The following MTMR4 variants were observed in gnomAD, a reference collection of about 807,000 sequenced individuals.
MTMR4 encodes the protein phosphatidylinositol-3,5-bisphosphate 3-phosphatase MTMR4.
Under a neutral mutation model 125.5 loss-of-function variants are expected in MTMR4, and 30 were observed. That is an observed-to-expected ratio of 0.24 (90% CI 0.18 to 0.32). The LOEUF (loss-of-function observed/expected upper bound fraction) is 0.32. Among genes scored for constraint, MTMR4 ranks in the 10% least tolerant of loss-of-function variants. The pLI is 1.00. For missense variants in MTMR4, 1,039 were observed against 1,511.5 expected (o/e 0.69, Z 5.18); for synonymous variants, 498 against 564.5 (o/e 0.88, Z 1.67).
At chr17:58,518,608 C>T (rs534322368), upstream of MTMR4, among the ~76,000 whole-genome samples, 41 of 152,320 alleles carry the variant, frequency 2.7e-4, 1 homozygote, top group African/African-American at 9.4e-4. Flanking sequence ...CCTCTCATCC[C>T]AGAGATGGGA....
chr17:58,514,668 G>T, upstream of MTMR4: 1 of 985,268 alleles, frequency 1.0e-6, no homozygotes, highest in Non-Finnish European at 1.2e-6. Flanking sequence ...CCGGGACCGC[G>T]GCGGGAAGGC....
rs1298806926 is a variant in MTMR4, at chr17:58,514,636, G to A, written c.-229C>T. 5 of 985,182 alleles carry A rather than the reference G, an allele frequency of 5.1e-6. No individual in the cohort carries two copies. The highest frequency in any genetic ancestry group is 6.0e-6 in the Non-Finnish European group (5 of 829,914). The allele number at this position is 985,182 out of a possible 1,614,324, so 61.0% of individuals were successfully genotyped here. A position where few individuals can be genotyped will look rare whatever the true frequency, so the allele number is the denominator to read the frequency against. On this transcript the variant is annotated 5_prime_UTR_variant, in exon 1 of 18. Transcript: ENST00000682306. The stretch of plus-strand genomic sequence containing the variant: ...CCTCCCGCACGAGTGCAGAAGGGAG[G>A]GGAGCCAGGCGAGGGGAGAGCCCGG...
rs1975295803 is a variant in MTMR4 at position 58,490,801 on chromosome 17, C to G, written c.*862G>C. The G allele has an allele frequency of 6.6e-6, 1 of 152,620 alleles. No individual in the cohort carries two copies. The highest frequency in any genetic ancestry group is 2.4e-5 in the African/African-American group (1 of 41,424). The allele number at this position is 152,620 out of a possible 1,614,324, so 9.5% of individuals were successfully genotyped here. A position where few individuals can be genotyped will look rare whatever the true frequency, so the allele number is the denominator to read the frequency against. ...TGTAGCTCCTGTGTTAGCACCAGGA[C>G]AACTAGGAAAAGTCAGGTGCAAAGA... On this transcript the variant is annotated 3_prime_UTR_variant, in exon 18 of 18. Transcript: ENST00000682306.
At chr17:58,513,368 CGCCTACAA>C (rs1356284481) in intron 1 of MTMR4, among the ~76,000 whole-genome samples, 1 of 152,018 alleles carries the variant, frequency 6.6e-6, no homozygotes, top group African/African-American at 2.4e-5. Flanking sequence ...GGAAATCAGG[CGCCTACAA>C]GCCACTGAAG....
Position 58,491,584 on chromosome 17 carries a change from C to G in MTMR4, c.*79G>C. 7.0e-7 allele frequency: 1 copy of G among 1,436,304 alleles called. No homozygotes were observed. Among genetic ancestry groups the G allele is most frequent in the South Asian group, 1.3e-5 (1 of 76,826 alleles). 89.0% of individuals were successfully genotyped at this position (1,436,304 alleles called of 1,614,324 possible). On this transcript the variant is annotated 3_prime_UTR_variant, in exon 18 of 18. Coordinates refer to ENST00000682306, the MANE Select transcript of MTMR4 (RefSeq NM_001378067.1). Reference sequence around the variant, plus strand: ...GAGCTCTGTGATTTCATGAGCCACACCAAGGAACCTTCCAAACTACAACTG... The same window carrying G: ...GAGCTCTGTGATTTCATGAGCCACAGCAAGGAACCTTCCAAACTACAACTG...
Position 58,514,439 on chromosome 17 carries a change from C to G in MTMR4, c.-32G>C. On this transcript the variant is annotated 5_prime_UTR_variant, in exon 1 of 18. Coordinates refer to ENST00000682306, the MANE Select transcript of MTMR4 (RefSeq NM_001378067.1). ...GGGCGGTCTGGGCCAGCGCACATGT[C>G]CCCGGAGCCGCTGCGCTGCCCGCCA... 2.0e-6 allele frequency: 2 copies of G among 985,466 alleles called. No homozygotes were observed. Among genetic ancestry groups the G allele is most frequent in the Non-Finnish European group, 2.4e-6 (2 of 829,776 alleles). 61.0% of individuals were successfully genotyped at this position (985,466 alleles called of 1,614,324 possible).
chr17:58,513,086 T>C, intron 1 of MTMR4, 145 bp from the exon 2 acceptor site: 2 of 669,956 alleles, frequency 3.0e-6, no homozygotes, highest in Non-Finnish European at 5.2e-6. Flanking sequence ...AAAAGAGATC[T>C]GACTTGGTTG....
At chr17:58,507,859 C>G (rs1975817411) in intron 7 of MTMR4, 1 of 252,272 alleles carries the variant, frequency 4.0e-6, no homozygotes, top group African/African-American at 2.3e-5. Context: ...CAGATTTTGT[C>G]TGCAGGCCAG....
At chr17:58,518,246 G>T (rs2042047645), upstream of MTMR4, among the ~76,000 whole-genome samples, 1 of 152,224 alleles carries the variant, frequency 6.6e-6, no homozygotes, top group Non-Finnish European at 1.5e-5. Context: ...TACTGGTAGC[G>T]CAATTAGAGG....
rs540217313 is a variant in MTMR4 at position 58,492,531 on chromosome 17, G to A, written c.3432C>T (p.Ala1144=). Residue 1144 remains alanine (A), a synonymous_variant, in exon 17 of 18, where the codon GCC becomes GCT. Transcript: ENST00000682306. ...CTTACCTGCAATGGTGTCTTCGTTTGGCCAACCAGAATTCACAGTCACAGT... is the reference window on the plus strand; with the variant it reads ...CTTACCTGCAATGGTGTCTTCGTTTAGCCAACCAGAATTCACAGTCACAGT... ...CYNCDCEFWL[A]KRRHHCRNCG... is the part of the protein sequence containing the mutation. 6.2e-7 allele frequency: 1 copy of A among 1,613,970 alleles called. No individual in the cohort carries two copies. Among genetic ancestry groups the A allele is most frequent in the Admixed American group, 1.7e-5 (1 of 59,988 alleles).
intron 17 of MTMR4, 94 bp from the exon 18 acceptor site, chr17:58,491,934 G>A (rs757592828): frequency 8.2e-7 from 1 of 1,222,520 alleles, no homozygotes; most frequent in Non-Finnish European, 1.1e-6. Context: ...ACTTTGGTAG[G>A]CTGAGGCAGT....
chr17:58,514,515 C>T lies in MTMR4; in HGVS notation c.-108G>A, dbSNP rs899574326. 1.0e-6 allele frequency: 1 copy of T among 985,130 alleles called. No homozygotes were observed. 61.0% of individuals were successfully genotyped at this position (985,130 alleles called of 1,614,324 possible). On this transcript the variant is annotated 5_prime_UTR_variant, in exon 1 of 18. Coordinates refer to ENST00000682306, the MANE Select transcript of MTMR4 (RefSeq NM_001378067.1). ...CTGCGGGGCTCGCCAGGTGCAGCCG[C>T]GGCGGCCAAGAGGCTAGGGCGCTGG... is the stretch of plus-strand genomic sequence containing the variant.
upstream of MTMR4, among the ~76,000 whole-genome samples, chr17:58,517,537 GCA>G (rs2042034446): frequency 2.0e-5 from 3 of 152,370 alleles, no homozygotes; most frequent in Admixed American, 6.5e-5. Flanking sequence ...CCGCCCACTG[GCA>G]GCAGCCCCAG....
At chr17:58,516,638 C>G, upstream of MTMR4, 1 of 1,611,856 alleles carries the variant, frequency 6.2e-7, no homozygotes, top group South Asian at 1.1e-5. Context: ...GACAGAGGAA[C>G]ATAAAAGTAA....
intron 14 of MTMR4, among the ~76,000 whole-genome samples, chr17:58,498,725 C>T (rs1399082966): frequency 6.6e-6 from 1 of 152,044 alleles, no homozygotes; most frequent in Non-Finnish European, 1.5e-5. Flanking sequence ...TACAACACAC[C>T]TCCTTCTTTG....
In MTMR4 at chr17:58,495,712, G is replaced by C; in HGVS notation, c.2472C>G (p.Ser824Arg). Residue 824 changes from serine (S) to arginine (R), a missense_variant, in exon 15 of 18, where the codon AGC (serine) becomes AGG (arginine). Physicochemically the swap from Ser to Arg is moderately radical, Grantham distance 110 (BLOSUM62 -1). Transcript: ENST00000682306. Reference sequence around the variant, plus strand: ...TCGGTGGGTTGCAAACGGTGCTGAGGCTGTGATCAAGAACACACTTGGAGG... The same window carrying C: ...TCGGTGGGTTGCAAACGGTGCTGAGCCTGTGATCAAGAACACACTTGGAGG... ...GVPSKCVLDH[S>R]LSTVCNPPSA... is the part of the protein sequence containing the mutation. The C allele has an allele frequency of 6.2e-7, 1 of 1,614,170 alleles. No homozygotes were observed. Among genetic ancestry groups the C allele is most frequent in the Middle Eastern group, 1.6e-4 (1 of 6,062 alleles).
At chr17:58,505,380 C>G in intron 10 of MTMR4, 92 bp downstream of exon 10, 1 of 1,164,440 alleles carries the variant, frequency 8.6e-7, no homozygotes, top group Non-Finnish European at 1.2e-6. Flanking sequence ...CTCCTGCTCT[C>G]CAAACTTCTC....
chr17:58,518,872 A>G (rs949573135), upstream of MTMR4, among the ~76,000 whole-genome samples: 7 of 152,224 alleles, frequency 4.6e-5, no homozygotes, highest in African/African-American at 1.7e-4. Flanking sequence ...CGCTTTAATT[A>G]GCCCGGGGCT....
At chr17:58,494,881 G>T in intron 15 of MTMR4, 51 bp downstream of exon 15, 1 of 1,531,206 alleles carries the variant, frequency 6.5e-7, no homozygotes, top group Non-Finnish European at 8.9e-7. Flanking sequence ...TGGAGGGAAG[G>T]CTGGATGAAC....
Sources: allele counts gnomAD v4.1 joint callset (sites outside exome capture counted in the v4.1 genomes callset), GRCh38; gene constraint gnomAD v4.1.1; transcripts MANE v1.5; gene names NCBI Gene and HGNC (gene_info 2026-07-23, HGNC 2026-07-21).